The following CDC37 variants were observed in gnomAD, a reference collection of about 807,000 sequenced individuals.
CDC37 encodes hsp90 co-chaperone Cdc37.
A neutral mutation model predicts 46.9 loss-of-function variants in CDC37; 9 were observed. The observed-to-expected ratio is 0.19, with a 90% CI of 0.12 to 0.33. The LOEUF is 0.33. Ranked by LOEUF, CDC37 falls within the 10% of genes least tolerant of loss-of-function variation. The probability of loss-of-function intolerance (pLI) is 1.00; values close to 1 mark genes in which losing one functional copy is unlikely to be tolerated. For missense variants in CDC37, 388 were observed against 514.6 expected (o/e 0.75, Z 2.38); for synonymous variants, 193 against 191.0 (o/e 1.01, Z -0.09).
chr19:10,391,792 G>T, intron 7 of CDC37, 86 bp from the exon 8 acceptor site: 1 of 1,387,460 alleles, frequency 7.2e-7, no homozygotes, highest in South Asian at 1.2e-5. Flanking sequence ...TCCCCAAGCT[G>T]GCTTCCTGCC....
chr19:10,401,788 G>C (rs2042519840), intron 1 of CDC37, among the ~76,000 whole-genome samples: 1 of 152,120 alleles, frequency 6.6e-6, no homozygotes, highest in Non-Finnish European at 1.5e-5. Flanking sequence ...TAAATGATGG[G>C]GAATTGCCCT....
rs755102533 is a variant in CDC37, at chr19:10,393,070, C to T, written c.981+16G>A. On this transcript the variant is annotated intron_variant, in intron 7 of 7. Transcript: ENST00000222005. The surrounding 1 kb of genome is among the most constrained non-coding windows in gnomAD (Gnocchi z 4.9). ...CACGGCCCGCCGGGAAGGCATGGGGCGCGGGGGTTACTCACGGTGGGGTCC... is the reference window on the plus strand; with the variant it reads ...CACGGCCCGCCGGGAAGGCATGGGGTGCGGGGGTTACTCACGGTGGGGTCC... 1.6e-5 allele frequency: 26 copies of T among 1,611,010 alleles called. No individual in the cohort carries two copies. The East Asian group carries it at 2.9e-4, about 18-fold the overall frequency.
In CDC37 at chr19:10,391,699, T is replaced by C. The variant is rs1045760389; in HGVS notation, c.989A>G (p.Lys330Arg). 6 of 1,612,382 alleles carry C rather than the reference T, an allele frequency of 3.7e-6. No individual in the cohort carries two copies. The highest frequency in any genetic ancestry group is 2.7e-5 in the African/African-American group (2 of 74,894). ...GTCAATGCAGCGCTGCATGTGGTAC[T>C]TTGCGTCCTGTGAGGAGAAGGCAGG... ...AISKMDPTDAKYHMQRCIDSG... is the reference protein window; with the variant it reads ...AISKMDPTDARYHMQRCIDSG... Residue 330 changes from lysine to arginine, a missense_variant, in exon 8 of 8, where the codon AAG becomes AGG. Around this residue, in one of 2 missense-constraint regions of CDC37, gnomAD observed 374 missense variants for 467.4 expected, o/e 0.80. Transcript: ENST00000222005.
intron 7 of CDC37, chr19:10,392,726 CCAAT>C: frequency 3.4e-6 from 1 of 296,786 alleles, no homozygotes; most frequent in Admixed American, 4.8e-5. Context: ...TAGACAAAAT[CCAAT>C]TAACAGCCAG....
rs765803614 is a variant in CDC37, at chr19:10,395,278, C to T, written c.553G>A (p.Glu185Lys). 1.4e-5 allele frequency: 22 copies of T among 1,614,062 alleles called. No individual in the cohort carries two copies. Among genetic ancestry groups the T allele is most frequent in the African/African-American group, 2.7e-5 (2 of 74,928 alleles). Reference sequence around the variant, plus strand: ...CAAATGACCAGGTAATTGGCTGTCTCCTCGCACACCAGGTGGACGTTGTCT... The same window carrying T: ...CAAATGACCAGGTAATTGGCTGTCTTCTCGCACACCAGGTGGACGTTGTCT... ...LSDNVHLVCE[E>K]TANYLVIWCI... Residue 185 changes from glutamate to lysine, a missense_variant, in exon 4 of 8, where the codon GAG becomes AAG. By Grantham distance (56) the Glu-to-Lys change is moderately conservative. Coordinates refer to ENST00000222005, the MANE Select transcript of CDC37 (RefSeq NM_007065.4).
At position 10,391,425 on chromosome 19, in the gene CDC37, GC is replaced by G. The variant is rs1196516608; in HGVS notation, c.*125del. 8 of 1,164,146 alleles carry G rather than the reference GC, an allele frequency of 6.9e-6. No homozygotes were observed. Among genetic ancestry groups the G allele is most frequent in the South Asian group, 1.2e-5 (1 of 81,114 alleles). The allele number at this position is 1,164,146 out of a possible 1,614,324, so 72.1% of individuals were successfully genotyped here. A position where few individuals can be genotyped will look rare whatever the true frequency, so the allele number is the denominator to read the frequency against. ...GGAGAGGCCAGGGAGGGCTGGGCGG[GC>G]CCCCCAGGCTGGGCCGAGCAGCGCA... is the stretch of plus-strand genomic sequence containing the variant. On this transcript the variant is annotated 3_prime_UTR_variant, in exon 8 of 8. Coordinates refer to ENST00000222005, the MANE Select transcript of CDC37 (RefSeq NM_007065.4).
At chr19:10,395,615 G>A (rs1409602480) in intron 2 of CDC37, 72 bp from the exon 3 acceptor site, 25 of 1,202,220 alleles carry the variant, frequency 2.1e-5, no homozygotes, top group Non-Finnish European at 2.7e-5. Flanking sequence ...CGGGCGGGCC[G>A]TGGTCGCAGC....
chr19:10,395,602 G>C (rs761527270), intron 2 of CDC37, 59 bp from the exon 3 acceptor site: 1 of 1,305,016 alleles, frequency 7.7e-7, no homozygotes, highest in Non-Finnish European at 1.1e-6. Flanking sequence ...CCTCGAGCGC[G>C]GCCGGGCGGG....
intron 1 of CDC37, among the ~76,000 whole-genome samples, chr19:10,397,798 T>C (rs2042499768): frequency 6.6e-6 from 1 of 152,068 alleles, no homozygotes; most frequent in Non-Finnish European, 1.5e-5. Flanking sequence ...CATGCCCTCC[T>C]GAGCCCCAGC....
rs2042491449 is a variant in CDC37, at chr19:10,396,188, T to C, written c.118A>G (p.Met40Val). The part of the protein sequence containing the change: ...RWRHQARVER[M>V]EQFQKEKEEL... ...TCCTTCTCCTTCTGGAACTGCTCCA[T>C]GCGTTCCACCCGGGCCTGCGGGCAG... The change falls in exon 2 of 8, where the codon ATG (methionine) becomes GTG (valine). Residue 40 changes from methionine (M) to valine (V), a missense_variant. Transcript: ENST00000222005. This position sits in a 1 kb window ranked among gnomAD's most constrained non-coding sequence, Gnocchi z 5.9. 5.6e-6 allele frequency: 9 copies of C among 1,613,902 alleles called. No homozygotes were observed. The highest frequency in any genetic ancestry group is 7.6e-6 in the Non-Finnish European group (9 of 1,179,898).
Position 10,395,915 on chromosome 19 carries a change from C to T in CDC37, c.378+13G>A. 1 of 1,595,780 alleles carries T rather than the reference C, an allele frequency of 6.3e-7. No individual in the cohort carries two copies. Among genetic ancestry groups the T allele is most frequent in the Non-Finnish European group, 8.6e-7 (1 of 1,168,928 alleles). On this transcript the variant is annotated intron_variant, in intron 2 of 7. Coordinates refer to ENST00000222005, the MANE Select transcript of CDC37 (RefSeq NM_007065.4). ...TGCGCATGCGCACTGCCCGCCCCGCCCGCCCCGCACACCTTGCTGAAGCCG... is the reference window on the plus strand; with the variant it reads ...TGCGCATGCGCACTGCCCGCCCCGCTCGCCCCGCACACCTTGCTGAAGCCG...
Position 10,398,418 on chromosome 19 carries a change from C to T in CDC37, c.103-2215G>A, listed in dbSNP as rs967315121. On this transcript the variant is annotated intron_variant, in intron 1 of 7. Coordinates refer to ENST00000222005, the MANE Select transcript of CDC37 (RefSeq NM_007065.4). This position sits in a 1 kb window ranked among gnomAD's most constrained non-coding sequence, Gnocchi z 4.2. Reference sequence around the variant, plus strand: ...TAAAGGACCTCCTGTGACCATCTGACGATGTGGTGAGGGTGCTGGAGGACA... The same window carrying T: ...TAAAGGACCTCCTGTGACCATCTGATGATGTGGTGAGGGTGCTGGAGGACA... Among the ~76,000 whole-genome samples the T allele has an allele frequency of 3.4e-4, 52 of 152,246 alleles. No homozygotes were observed. The highest frequency in any genetic ancestry group is 1.1e-3 in the African/African-American group (47 of 41,464).
At chr19:10,397,670 G>A (rs2042499252) in intron 1 of CDC37, among the ~76,000 whole-genome samples, 1 of 152,008 alleles carries the variant, frequency 6.6e-6, no homozygotes, top group African/African-American at 2.4e-5. Flanking sequence ...CTCCCAAAGT[G>A]CTGGGATTAC....
intron 2 of CDC37, 27 bp from the exon 3 acceptor site, chr19:10,395,570 G>C: frequency 6.4e-7 from 1 of 1,561,856 alleles, no homozygotes; most frequent in Non-Finnish European, 8.8e-7. Context: ...GGGGGAGTGG[G>C]CTGGGGCAAG....
At position 10,395,082 on chromosome 19, in the gene CDC37, A is replaced by G; in HGVS notation, c.665T>C (p.Leu222Pro). 6.4e-7 allele frequency: 1 copy of G among 1,561,932 alleles called. No homozygotes were observed. The highest frequency in any genetic ancestry group is 8.7e-7 in the Non-Finnish European group (1 of 1,150,878). Reference protein sequence around the residue: ...QTIVMQFILELAKSLKVDPRA... With the variant: ...QTIVMQFILEPAKSLKVDPRA... The stretch of plus-strand genomic sequence containing the variant: ...GGGGTCCACCTTTAGGCTCTTGGCC[A>G]GCTCCAGGATAAATTGCATGACGAT... Residue 222 changes from leucine (L) to proline (P), a missense_variant, in exon 5 of 8, where the codon CTG becomes CCG. Physicochemically the swap from Leu to Pro is moderately conservative, Grantham distance 98. Coordinates refer to ENST00000222005, the MANE Select transcript of CDC37 (RefSeq NM_007065.4).
In CDC37 at chr19:10,391,224, C is replaced by T. The variant is rs750053253; in HGVS notation, c.*327G>A. Reference sequence around the variant, plus strand: ...GAACAGTGAAAACAGAGCCCAGTGACGAGAGCCGGCCCCTTGGCTGGGGAC... The same window carrying T: ...GAACAGTGAAAACAGAGCCCAGTGATGAGAGCCGGCCCCTTGGCTGGGGAC... On this transcript the variant is annotated 3_prime_UTR_variant, in exon 8 of 8. Transcript: ENST00000222005. 1.6e-5 allele frequency: 6 copies of T among 380,438 alleles called. No homozygotes were observed. Among genetic ancestry groups the T allele is most frequent in the Admixed American group, 1.3e-4 (3 of 22,552 alleles). The allele number at this position is 380,438 out of a possible 1,614,324, so 23.6% of individuals were successfully genotyped here.
At chr19:10,397,614 T>G (rs2042499058) in intron 1 of CDC37, among the ~76,000 whole-genome samples, 1 of 151,870 alleles carries the variant, frequency 6.6e-6, no homozygotes, top group African/African-American at 2.4e-5. Flanking sequence ...TTCTCCATGT[T>G]GGCTGGTCTT....
intron 5 of CDC37, among the ~76,000 whole-genome samples, chr19:10,394,485 C>T (rs1355460395): frequency 6.6e-6 from 1 of 151,962 alleles, no homozygotes; most frequent in Admixed American, 6.6e-5. Context: ...GACTATAGTA[C>T]TCAGTCACCA....
At chr19:10,399,191 G>A (rs1229228911) in intron 1 of CDC37, among the ~76,000 whole-genome samples, 2 of 152,090 alleles carry the variant, frequency 1.3e-5, no homozygotes, top group African/African-American at 2.4e-5. Flanking sequence ...CTACGTGGTC[G>A]AGCGTGGTGG....
Sources: gnomAD v4.1 joint callset for allele counts (sites outside exome capture counted in the v4.1 genomes callset) on GRCh38, gnomAD v4.1.1 for gene constraint, gnomAD v4.1.1 regional missense constraint, Gnocchi (gnomAD v3.1) non-coding constraint, MANE v1.5 for transcripts, NCBI Gene and HGNC (gene_info 2026-07-23, HGNC 2026-07-21) for gene names.